ZNF566: variants seen among roughly 807,000 people sequenced by gnomAD.
ZNF566 encodes the protein zinc finger protein 566.
ZNF566 carries 27 observed loss-of-function variants against 32.8 expected under a neutral mutation model. The observed-to-expected ratio is 0.82, with a 90% confidence interval of 0.61 to 1.14. The LOEUF (loss-of-function observed/expected upper bound fraction) is 1.14, where lower values mean the gene tolerates loss of function less well. Ranked by LOEUF, ZNF566 falls within the 50% of genes most tolerant of loss-of-function variation. The pLI is 0.00. For missense variants in ZNF566, 402 were observed against 490.4 expected (o/e 0.82, Z 1.70); for synonymous variants, 154 against 159.5 (o/e 0.97, Z 0.26).
rs1204900748 is a variant in ZNF566, at chr19:36,447,566, ATCTGTAACTATGTTTC to A, written c.*1395_*1410del. The A allele has an allele frequency of 1.3e-5, 2 of 152,160 alleles. No homozygotes were observed. The highest frequency in any genetic ancestry group is 4.8e-5 in the African/African-American group (2 of 41,446). The allele number at this position is 152,160 out of a possible 1,614,324, so 9.4% of individuals were successfully genotyped here. On this transcript the variant is annotated 3_prime_UTR_variant, in exon 5 of 5. Transcript: ENST00000452939. ...CATAATATTCAACAGAACCTTTTAAATCTGTAACTATGTTTCTATCTCTGTCCATTTTTTAAATATG... is the reference window on the plus strand; with the variant it reads ...CATAATATTCAACAGAACCTTTTAAATATCTCTGTCCATTTTTTAAATATG...
chr19:36,484,828 A>T (rs1003602945), intron 1 of ZNF566, among the ~76,000 whole-genome samples: 6 of 151,922 alleles, frequency 3.9e-5, no homozygotes, highest in Non-Finnish European at 7.4e-5. Flanking sequence ...TGACCTTGTG[A>T]TCCGCCCACC....
At chr19:36,457,229 A>G (rs541963825) in intron 4 of ZNF566, among the ~76,000 whole-genome samples, 140 of 152,362 alleles carry the variant, frequency 9.2e-4, no homozygotes, top group African/African-American at 3.2e-3. Context: ...CCTATTGCAT[A>G]CATATACGAA....
intron 4 of ZNF566, among the ~76,000 whole-genome samples, chr19:36,469,577 A>T (rs2033713363): frequency 6.6e-6 from 1 of 152,182 alleles, no homozygotes; most frequent in Admixed American, 6.6e-5. Context: ...TTGTGCGACA[A>T]TAGGGGTAGA....
chr19:36,449,109 A>G lies in ZNF566; in HGVS notation c.1125T>C (p.Ala375=). 1 of 1,614,104 alleles carries G rather than the reference A, an allele frequency of 6.2e-7. No homozygotes were observed. Among genetic ancestry groups the G allele is most frequent in the East Asian group, 2.2e-5 (1 of 44,858 alleles). Residue 375 remains alanine (A), a synonymous_variant, in exon 5 of 5, where the codon GCT becomes GCC. Coordinates refer to ENST00000452939, the MANE Select transcript of ZNF566 (RefSeq NM_001145344.1). ...TAATAAGCTGTGAACTCTGAGAATAAGCCTTCCCACATATCTTACATTCAT... is the reference window on the plus strand; with the variant it reads ...TAATAAGCTGTGAACTCTGAGAATAGGCCTTCCCACATATCTTACATTCAT... ...KPYECKICGK[A]YSQSSQLISH...
At chr19:36,477,520 G>GTTT (rs1568528944) in intron 1 of ZNF566, among the ~76,000 whole-genome samples, 1 of 130,266 alleles carries the variant, frequency 7.7e-6, no homozygotes, top group African/African-American at 3.0e-5. Context: ...CCAGTTTTCT[G>GTTT]TTTCTGTTTT....
chr19:36,450,015 T>C lies in ZNF566; in HGVS notation c.233-14A>G. 6 of 1,569,600 alleles carry C rather than the reference T, an allele frequency of 3.8e-6. No individual in the cohort carries two copies. The highest frequency in any genetic ancestry group is 1.9e-5 in the Admixed American group (1 of 52,398). On this transcript the variant is annotated splice_polypyrimidine_tract_variant and intron_variant, in intron 4 of 4. Transcript: ENST00000452939. ...TTGATTCCAGGACTGAAAGAAAATA[T>C]GAAAGTAATCACTCACATTTTTCTT...
At chr19:36,474,655 G>A in intron 2 of ZNF566, among the ~76,000 whole-genome samples, 1 of 152,106 alleles carries the variant, frequency 6.6e-6, no homozygotes, top group East Asian at 1.9e-4. Context: ...GAGTGGGTCT[G>A]GTAACGGGAC....
intron 4 of ZNF566, among the ~76,000 whole-genome samples, chr19:36,456,890 C>T (rs2033329018): frequency 6.6e-6 from 1 of 152,128 alleles, no homozygotes; most frequent in Admixed American, 6.6e-5. Flanking sequence ...ATAGCAAAAA[C>T]AATCCTAAAA....
chr19:36,480,298 T>C (rs1302070589), intron 1 of ZNF566, among the ~76,000 whole-genome samples: 1 of 150,818 alleles, frequency 6.6e-6, no homozygotes, highest in East Asian at 1.9e-4. Flanking sequence ...CTTTTTTTTT[T>C]TTTTGAGACA....
At chr19:36,460,603 T>C (rs2033437126) in intron 4 of ZNF566, among the ~76,000 whole-genome samples, 1 of 151,984 alleles carries the variant, frequency 6.6e-6, no homozygotes, top group South Asian at 2.1e-4. Flanking sequence ...GTCATCAGGG[T>C]TTCAGAAGGA....
chr19:36,469,935 G>A (rs1044924354), intron 4 of ZNF566, among the ~76,000 whole-genome samples: 9 of 151,382 alleles, frequency 5.9e-5, no homozygotes, highest in African/African-American at 2.2e-4. Context: ...AAAAAAAACA[G>A]AATTATATGA....
chr19:36,471,650 A>C (rs1239652275), intron 4 of ZNF566, among the ~76,000 whole-genome samples: 1 of 151,850 alleles, frequency 6.6e-6, no homozygotes, highest in African/African-American at 2.4e-5. Flanking sequence ...TATTTCTTTT[A>C]GTATTTACTA....
intron 4 of ZNF566, among the ~76,000 whole-genome samples, chr19:36,471,329 A>T (rs2033759733): frequency 6.6e-6 from 1 of 151,954 alleles, no homozygotes; most frequent in South Asian, 2.1e-4. Flanking sequence ...GGCAGACAGT[A>T]CATAAACTGA....
At position 36,477,538 on chromosome 19, in the gene ZNF566, TTTGTTTGTTTG is replaced by T. The variant is rs1220195576; in HGVS notation, c.-59-933_-59-923del. Among the ~76,000 whole-genome samples the T allele has an allele frequency of 2.4e-4, 19 of 78,180 alleles. 2 individuals carry two copies. The highest frequency in any genetic ancestry group is 1.8e-3 in the South Asian group (3 of 1,708). 51.3% of individuals were successfully genotyped at this position (78,180 alleles called of 152,430 possible). On this transcript the variant is annotated intron_variant, in intron 1 of 4. Transcript: ENST00000452939. ...GTTTTCTGTTTCTGTTTTTTTTTTG[TTTGTTTGTTTG>T]TTTTTTTGAGACGGAGTCTTGCTCT...
chr19:36,463,916 G>A (rs143827747), intron 4 of ZNF566, among the ~76,000 whole-genome samples: 24 of 151,994 alleles, frequency 1.6e-4, no homozygotes, highest in African/African-American at 5.8e-4. Flanking sequence ...AGTAGAGCCT[G>A]GGTTTCACCA....
chr19:36,454,775 T>C (rs1264344742), intron 4 of ZNF566, among the ~76,000 whole-genome samples: 1 of 152,182 alleles, frequency 6.6e-6, no homozygotes, highest in Non-Finnish European at 1.5e-5. Flanking sequence ...AAAGACTTGA[T>C]GGCTTCACTA....
chr19:36,465,337 C>T (rs1471018312), intron 4 of ZNF566, among the ~76,000 whole-genome samples: 5 of 152,134 alleles, frequency 3.3e-5, no homozygotes, highest in Non-Finnish European at 7.3e-5. Context: ...TGAGTAAGTA[C>T]GTACACCAAG....
At chr19:36,462,818 G>C (rs568799578) in intron 4 of ZNF566, among the ~76,000 whole-genome samples, 1 of 151,594 alleles carries the variant, frequency 6.6e-6, no homozygotes, top group South Asian at 2.1e-4. Flanking sequence ...TTAGCCAGGC[G>C]TGGTGGGGGG....
intron 1 of ZNF566, among the ~76,000 whole-genome samples, chr19:36,477,022 TC>T: frequency 6.6e-6 from 1 of 152,258 alleles, no homozygotes; most frequent in South Asian, 2.1e-4. Context: ...TTTTTTCTTT[TC>T]TTTTTGAGAC....
Sources: gnomAD v4.1 joint callset for allele counts (sites outside exome capture counted in the v4.1 genomes callset) on GRCh38, gnomAD v4.1.1 for gene constraint, MANE v1.5 for transcripts, NCBI Gene and HGNC (gene_info 2026-07-23, HGNC 2026-07-21) for gene names.